The following TCF20 variants were observed in gnomAD, a reference collection of about 807,000 sequenced individuals.
TCF20 encodes the protein SPRE-binding protein.
TCF20 carries 3 observed loss-of-function variants against 148.6 expected under a neutral mutation model. The ratio of observed to expected loss-of-function variants is 0.02; its 90% CI spans 0.01 to 0.05. The LOEUF (loss-of-function observed/expected upper bound fraction) is 0.05. TCF20 is among the 10% of genes least tolerant of loss of function. The pLI, the probability that TCF20 is intolerant of heterozygous loss-of-function variation, is 1.00. For missense variants in TCF20, 2,350 were observed against 2,429.3 expected (o/e 0.97, Z 0.69); for synonymous variants, 1,049 against 909.5 (o/e 1.15, Z -2.76).
chr22:42,216,079 C>CTTGTTTTTT (rs1921753627), intron 1 of TCF20, among the ~76,000 whole-genome samples: 1 of 50,564 alleles, frequency 2.0e-5, no homozygotes, highest in Admixed American at 2.9e-4. Context: ...AAACCAAATC[C>CTTGTTTTTT]TTTTTTTTTT....
intron 1 of TCF20, among the ~76,000 whole-genome samples, chr22:42,257,184 G>T (rs899193276): frequency 6.6e-6 from 1 of 152,098 alleles, no homozygotes; most frequent in Admixed American, 6.6e-5. Context: ...AACCCTCCAG[G>T]AGAAATACCC....
At chr22:42,206,215 A>G (rs1938374317) in intron 2 of TCF20, among the ~76,000 whole-genome samples, 2 of 152,256 alleles carry the variant, frequency 1.3e-5, no homozygotes, top group Non-Finnish European at 1.5e-5. Flanking sequence ...AAATGTTGAA[A>G]TAACGAAAAC....
At chr22:42,331,279 C>G (rs1927970166) in intron 1 of TCF20, among the ~76,000 whole-genome samples, 1 of 152,176 alleles carries the variant, frequency 6.6e-6, no homozygotes, top group African/African-American at 2.4e-5. Flanking sequence ...CTGCACAGCT[C>G]CCGGCAGAGA....
At chr22:42,261,922 C>G (rs1305868126) in intron 1 of TCF20, among the ~76,000 whole-genome samples, 1 of 152,066 alleles carries the variant, frequency 6.6e-6, no homozygotes, top group African/African-American at 2.4e-5. Context: ...ACCTGGGAGG[C>G]GGAGGTTGCA....
intron 2 of TCF20, among the ~76,000 whole-genome samples, chr22:42,203,610 G>A (rs114915469): frequency 6.6e-6 from 1 of 152,332 alleles, no homozygotes; most frequent in African/African-American, 2.4e-5. Context: ...ATACCACACA[G>A]TGTTAAGAAA....
chr22:42,231,766 A>G (rs1923425189), intron 1 of TCF20, among the ~76,000 whole-genome samples: 1 of 152,054 alleles, frequency 6.6e-6, no homozygotes, highest in East Asian at 1.9e-4. Flanking sequence ...CGTCTCTACT[A>G]AAAATACAAA....
At chr22:42,185,383 T>C (rs1476029438) in intron 2 of TCF20, among the ~76,000 whole-genome samples, 1 of 152,196 alleles carries the variant, frequency 6.6e-6, no homozygotes, top group Non-Finnish European at 1.5e-5. Context: ...AAATGTGGGC[T>C]GATGGAATGA....
At chr22:42,200,164 A>G (rs1024879564) in intron 2 of TCF20, among the ~76,000 whole-genome samples, 12 of 152,198 alleles carry the variant, frequency 7.9e-5, no homozygotes, top group Non-Finnish European at 1.6e-4. Flanking sequence ...TTCATATCTA[A>G]TATTTTCTTG....
At chr22:42,313,616 T>G (rs1459007188) in intron 1 of TCF20, among the ~76,000 whole-genome samples, 1 of 150,886 alleles carries the variant, frequency 6.6e-6, no homozygotes. Context: ...TTTTTTTTTT[T>G]TGAGACAGAG....
At chr22:42,260,314 CCT>C (rs1479666538) in intron 1 of TCF20, among the ~76,000 whole-genome samples, 2 of 152,050 alleles carry the variant, frequency 1.3e-5, no homozygotes, top group African/African-American at 4.8e-5. Flanking sequence ...TAGATATGAC[CCT>C]GTTGGCCACC....
intron 1 of TCF20, among the ~76,000 whole-genome samples, chr22:42,306,229 A>C (rs148578425): frequency 7.5e-4 from 115 of 152,370 alleles, no homozygotes; most frequent in Non-Finnish European, 1.4e-3. Flanking sequence ...TTTTGCAGGG[A>C]GAAATTAATG....
At chr22:42,252,091 G>GA (rs1479070038) in intron 1 of TCF20, among the ~76,000 whole-genome samples, 6 of 150,602 alleles carry the variant, frequency 4.0e-5, no homozygotes, top group Admixed American at 2.6e-4. Flanking sequence ...GCAACATGGC[G>GA]AAACTCTGTC....
chr22:42,321,422 G>A (rs569297471), intron 1 of TCF20, among the ~76,000 whole-genome samples: 1 of 145,738 alleles, frequency 6.9e-6, no homozygotes, highest in Admixed American at 6.8e-5. Context: ...GTCACCCTAA[G>A]GGCCCAGGAC....
Position 42,215,105 on chromosome 22 carries a change from T to C in TCF20, c.201A>G (p.Ala67=). ...GGRRGAAAAA[A]AMASETSGHQ... is the part of the protein sequence containing the mutation. ...GGCCAGAGGTCTCGCTAGCCATCGCTGCCGCAGCAGCTGCTGCTCCTCGTC... is the reference window on the plus strand; with the variant it reads ...GGCCAGAGGTCTCGCTAGCCATCGCCGCCGCAGCAGCTGCTGCTCCTCGTC... The change falls in exon 2 of 6, where the codon GCA becomes GCG. Residue 67 remains alanine, a synonymous_variant. Coordinates refer to ENST00000677622, the MANE Select transcript of TCF20 (RefSeq NM_001378418.1). 2 of 1,614,226 alleles carry C rather than the reference T, an allele frequency of 1.2e-6. No homozygotes were observed. Among genetic ancestry groups the C allele is most frequent in the Non-Finnish European group, 1.7e-6 (2 of 1,180,032 alleles).
chr22:42,248,178 T>C (rs1026213656), intron 1 of TCF20, among the ~76,000 whole-genome samples: 2 of 152,224 alleles, frequency 1.3e-5, no homozygotes, highest in Non-Finnish European at 2.9e-5. Flanking sequence ...CGTACTCATG[T>C]GGGCGCTGCC....
chr22:42,257,968 T>G (rs1925834091), intron 1 of TCF20, among the ~76,000 whole-genome samples: 2 of 152,196 alleles, frequency 1.3e-5, no homozygotes, highest in African/African-American at 4.8e-5. Flanking sequence ...GTGAGGGCTC[T>G]GAAATAATTT....
chr22:42,235,536 TTTTA>T (rs1923810454), intron 1 of TCF20, among the ~76,000 whole-genome samples: 1 of 152,230 alleles, frequency 6.6e-6, no homozygotes, highest in African/African-American at 2.4e-5. Context: ...AGAAATAGGA[TTTTA>T]TTTTAGTAAG....
At position 42,338,263 on chromosome 22, in the gene TCF20, G is replaced by T. The variant is rs1380644396; in HGVS notation, c.-37+5216C>A. On this transcript the variant is annotated intron_variant, in intron 1 of 1. Transcript: ENST00000515426. The surrounding 1 kb of genome is among the most constrained non-coding windows in gnomAD (Gnocchi z 4.0). ...GTGACAGCCCCAGAAGAGGGCCGGA[G>T]AAACTTTTCGTCTGAATGGAGGTCG... 6.6e-6 allele frequency among the ~76,000 whole-genome samples: 1 copy of T among 152,248 alleles called. No individual in the cohort carries two copies. The highest frequency in any genetic ancestry group is 1.5e-5 in the Non-Finnish European group (1 of 68,044).
At chr22:42,261,497 T>C (rs1016938422) in intron 1 of TCF20, among the ~76,000 whole-genome samples, 7 of 152,212 alleles carry the variant, frequency 4.6e-5, no homozygotes, top group African/African-American at 1.7e-4. Context: ...AAATAACTCT[T>C]ACCTATGCCA....
Sources: allele counts gnomAD v4.1 joint callset (sites outside exome capture counted in the v4.1 genomes callset), GRCh38; gene constraint gnomAD v4.1.1; non-coding constraint Gnocchi (gnomAD v3.1); transcripts MANE v1.5; gene names NCBI Gene and HGNC (gene_info 2026-07-23, HGNC 2026-07-21).